PDZD7: variants seen among roughly 807,000 people sequenced by gnomAD.
PDZD7 encodes the protein PDZ domain containing 7.
In PDZD7, 72 loss-of-function variants were observed where a neutral mutation model predicts 84.7. That is an observed-to-expected ratio of 0.85 (90% confidence interval 0.70 to 1.03). PDZD7 has a LOEUF of 1.03. Among genes scored for constraint, PDZD7 ranks in the 50% least tolerant of loss-of-function variants. PDZD7 has a pLI of 0.00. For missense variants in PDZD7, 1,490 were observed against 1,412.9 expected, an observed-to-expected ratio of 1.05 and a Z score of -0.87; for synonymous variants, 594 against 580.7, an observed-to-expected ratio of 1.02 and a Z score of -0.33.
rs776320301 is a variant in PDZD7 at position 101,023,610 on chromosome 10, T to C, written c.368A>G (p.Glu123Gly). The change falls in exon 4 of 17, where the codon GAG becomes GGG. Residue 123 changes from glutamate to glycine, a missense_variant and splice_region_variant. Glu to Gly is a moderately conservative substitution (Grantham distance 98). Transcript: ENST00000619208. ...VSKVEEGSSA[E>G]RAGLCVGDKI... The stretch of plus-strand genomic sequence containing the variant: ...GTCCCCCACGCACAGGCCAGCCCGC[T>C]CTGCACCACAGGATGGGAGTGGCTG... The C allele has an allele frequency of 1.2e-6, 2 of 1,611,478 alleles. No homozygotes were observed. The highest frequency in any genetic ancestry group is 2.2e-5 in the South Asian group (2 of 91,084).
intron 2 of PDZD7, among the ~76,000 whole-genome samples, chr10:101,027,571 G>C (rs1443226371): frequency 1.3e-5 from 2 of 152,090 alleles, no homozygotes; most frequent in African/African-American, 2.4e-5. Context: ...AGACCCACTG[G>C]ACCAGAAGCT....
chr10:101,017,834 G>GAAAGAAAGAAA, intron 9 of PDZD7: 2 of 128,878 alleles, frequency 1.6e-5, no homozygotes, highest in East Asian at 6.6e-5. Context: ...AAGGAAGGAA[G>GAAAGAAAGAAA]GAAGGAAAGA....
Position 101,018,825 on chromosome 10 carries a change from A to T in PDZD7, c.1321T>A (p.Trp441Arg). 6.3e-7 allele frequency: 1 copy of T among 1,594,828 alleles called. No homozygotes were observed. Residue 441 changes from tryptophan (W) to arginine (R), a missense_variant, in exon 8 of 17, where the codon TGG becomes AGG. Transcript: ENST00000619208. ...ITRSQSYLTL[W>R]EEKQQRKKEK... Reference sequence around the variant, plus strand: ...CCGCCACCCATCCCCCACGTACCCCACAAGGTCAGATAGCTCTGGGAGCGC... The same window carrying T: ...CCGCCACCCATCCCCCACGTACCCCTCAAGGTCAGATAGCTCTGGGAGCGC...
intron 2 of PDZD7, among the ~76,000 whole-genome samples, chr10:101,028,089 G>A (rs966892086): frequency 6.6e-6 from 1 of 152,174 alleles, no homozygotes; most frequent in Non-Finnish European, 1.5e-5. Context: ...TCCAGGCTGC[G>A]GTGACTTGGG....
At position 101,008,125 on chromosome 10, in the gene PDZD7, CT is replaced by C. The variant is rs1221027111; in HGVS notation, c.*341del. On this transcript the variant is annotated 3_prime_UTR_variant, in exon 17 of 17. Transcript: ENST00000619208. ...GGGCCCTGTCTGAGAGTCTGTGTCC[CT>C]GGAGGCTTGGGCGACTCATAAGGGA... The C allele has an allele frequency of 5.8e-6, 2 of 344,810 alleles. No individual in the cohort carries two copies. Among genetic ancestry groups the C allele is most frequent in the Non-Finnish European group, 1.1e-5 (2 of 189,616 alleles). 21.4% of individuals were successfully genotyped at this position (344,810 alleles called of 1,614,324 possible).
At chr10:101,023,406 C>A in intron 4 of PDZD7, 30 bp downstream of exon 4, 1 of 1,613,730 alleles carries the variant, frequency 6.2e-7, no homozygotes, top group South Asian at 1.1e-5. Flanking sequence ...GGGGCAAGGC[C>A]AGGGCTAGGA....
At chr10:101,018,510 A>G (rs1852844861) in intron 8 of PDZD7, among the ~76,000 whole-genome samples, 1 of 152,150 alleles carries the variant, frequency 6.6e-6, no homozygotes, top group Non-Finnish European at 1.5e-5. Flanking sequence ...CTTGAGGCCC[A>G]GTTAGAGAAG....
intron 15 of PDZD7, 126 bp downstream of exon 15, chr10:101,010,146 C>T: frequency 8.1e-7 from 1 of 1,241,042 alleles, no homozygotes; most frequent in Non-Finnish European, 1.1e-6. Flanking sequence ...CCGCCTGCCT[C>T]AGCCTCCCAA....
intron 9 of PDZD7, 51 bp downstream of exon 9, chr10:101,018,048 G>A: frequency 6.2e-7 from 1 of 1,611,390 alleles, no homozygotes; most frequent in East Asian, 2.2e-5. Flanking sequence ...GCTGAATGCC[G>A]AAGCTAGTGG....
intron 14 of PDZD7, 65 bp from the exon 15 acceptor site, chr10:101,010,948 G>A: frequency 6.7e-7 from 1 of 1,501,514 alleles, no homozygotes; most frequent in Non-Finnish European, 8.8e-7. Context: ...CCTTGCTTTG[G>A]TTTGTGTGGG....
intron 9 of PDZD7, 187 bp downstream of exon 9, chr10:101,017,903 AGAAAGAAAG>A: frequency 2.1e-6 from 1 of 472,114 alleles, no homozygotes; most frequent in Middle Eastern, 5.8e-4. Flanking sequence ...AAAGAAAGAA[AGAAAGAAAG>A]AAAAGAAAGA....
At chr10:101,023,266 G>T in intron 4 of PDZD7, 170 bp downstream of exon 4, 1 of 735,788 alleles carries the variant, frequency 1.4e-6, no homozygotes, top group Non-Finnish European at 2.3e-6. Context: ...GAGGGCAGGG[G>T]AAAGATGCAG....
At position 101,018,873 on chromosome 10, in the gene PDZD7, T is replaced by C; in HGVS notation, c.1273A>G (p.Ser425Gly). 6.2e-7 allele frequency: 1 copy of C among 1,604,230 alleles called. No homozygotes were observed. The highest frequency in any genetic ancestry group is 8.5e-7 in the Non-Finnish European group (1 of 1,175,578). Residue 425 changes from serine (S) to glycine (G), a missense_variant, in exon 8 of 17, where the codon AGC becomes GGC. Ser to Gly is a moderately conservative substitution (Grantham distance 56). Coordinates refer to ENST00000619208, the MANE Select transcript of PDZD7 (RefSeq NM_001195263.2). ...CGCGTGATGGGGGGCCGGGGTCGGC[T>C]GAGGGCCAGCAGCAAAGCCGTCTTG... is the stretch of plus-strand genomic sequence containing the variant. ...SPKTALLLAL[S>G]RPRPPITRSQ...
Position 101,022,229 on chromosome 10 carries a change from G to A in PDZD7, c.699C>T (p.Gly233=). Reference sequence around the variant, plus strand: ...CTCACTTGGACACATAGATGCCCAGGCCAAACTCCTTGCCCCCACGGATGT... The same window carrying A: ...CTCACTTGGACACATAGATGCCCAGACCAAACTCCTTGCCCCCACGGATGT... ...GFNIRGGKEF[G]LGIYVSKVDH... is the part of the protein sequence containing the mutation. The change falls in exon 5 of 17, where the codon GGC becomes GGT. Residue 233 remains glycine (G), a synonymous_variant. Transcript: ENST00000619208. 1.2e-6 allele frequency: 2 copies of A among 1,614,224 alleles called. No individual in the cohort carries two copies. The highest frequency in any genetic ancestry group is 2.2e-5 in the South Asian group (2 of 91,084).
chr10:101,010,293 A>G lies in PDZD7; in HGVS notation c.2596T>C (p.Ser866Pro). 6.5e-7 allele frequency: 1 copy of G among 1,532,004 alleles called. No individual in the cohort carries two copies. The allele number at this position is 1,532,004 out of a possible 1,614,324, so 94.9% of individuals were successfully genotyped here. Residue 866 changes from serine (S) to proline (P), a missense_variant, in exon 15 of 17, where the codon TCC (serine) becomes CCC (proline). Physicochemically the swap from Ser to Pro is moderately conservative, Grantham distance 74 (BLOSUM62 -1). Transcript: ENST00000619208. The stretch of plus-strand genomic sequence containing the variant: ...TCACCTAAGGACTGCTTCATCTTGG[A>G]CAGTGTCACTGTCTTCAGCTCGCCA... ...PSGELKTVTL[S>P]KMKQSLGISI...
In PDZD7 at chr10:101,020,768, C is replaced by A. The variant is rs986919050; in HGVS notation, c.868-90G>T. The stretch of plus-strand genomic sequence containing the variant: ...GCGGGGGTGACAGGATGGGAGTAAA[C>A]TTTCAACTTCATTTCTGTCCTCCAA... On this transcript the variant is annotated intron_variant, in intron 6 of 16. Transcript: ENST00000619208. The A allele has an allele frequency of 1.1e-5, 10 of 904,516 alleles. No homozygotes were observed. In the Admixed American group the frequency reaches 1.8e-4, roughly 17 times the overall value. 56.0% of individuals were successfully genotyped at this position (904,516 alleles called of 1,614,324 possible). A position where few individuals can be genotyped will look rare whatever the true frequency, so the allele number is the denominator to read the frequency against.
chr10:101,022,768 TTTTTG>T (rs1427744175), intron 4 of PDZD7, among the ~76,000 whole-genome samples: 1 of 151,726 alleles, frequency 6.6e-6, no homozygotes, highest in Non-Finnish European at 1.5e-5. Context: ...AGTTTTTTTG[TTTTTG>T]TTTTGTTTTG....
At position 101,029,986 on chromosome 10, in the gene PDZD7, G is replaced by GC; in HGVS notation, c.226+7dup. On this transcript the variant is annotated splice_region_variant and intron_variant, in intron 2 of 16. Coordinates refer to ENST00000619208, the MANE Select transcript of PDZD7 (RefSeq NM_001195263.2). ...CAACCCAGGCCAGTGGCTGGGTCCCGCCCCTACCTTCGATGGGGGAGTTGA... is the reference window on the plus strand; with the variant it reads ...CAACCCAGGCCAGTGGCTGGGTCCCGCCCCCTACCTTCGATGGGGGAGTTGA... 8 of 861,840 alleles carry GC rather than the reference G, an allele frequency of 9.3e-6. No individual in the cohort carries two copies. Among genetic ancestry groups the GC allele is most frequent in the Non-Finnish European group, 1.4e-5 (8 of 555,654 alleles). The allele number at this position is 861,840 out of a possible 1,614,324, so 53.4% of individuals were successfully genotyped here.
chr10:101,028,654 A>T (rs747965779), intron 2 of PDZD7, among the ~76,000 whole-genome samples: 5 of 151,934 alleles, frequency 3.3e-5, no homozygotes, highest in Non-Finnish European at 7.4e-5. Context: ...ACATGGGCAA[A>T]GGGAAGGGGA....
Sources: allele counts gnomAD v4.1 joint callset (sites outside exome capture counted in the v4.1 genomes callset), GRCh38; gene constraint gnomAD v4.1.1; transcripts MANE v1.5; gene names NCBI Gene and HGNC (gene_info 2026-07-23, HGNC 2026-07-21).